CMC2: variants seen among roughly 807,000 people sequenced by gnomAD.
CMC2 encodes C-X9-C motif containing 2.
In CMC2, 5 loss-of-function variants were observed where a neutral mutation model predicts 7.5. The ratio of observed to expected loss-of-function variants is 0.66; its 90% CI spans 0.35 to 1.40. CMC2 has a LOEUF of 1.40. Among genes scored for constraint, CMC2 ranks in the 40% most tolerant of loss-of-function variants. The pLI is 0.04. For missense variants in CMC2, 115 were observed against 92.3 expected (o/e 1.25, Z -1.01); for synonymous variants, 37 against 31.4 (o/e 1.18, Z -0.60).
rs561967774 is a variant in CMC2 at position 81,004,374 on chromosome 16, C to T, written c.-36+2360G>A. Among the ~76,000 whole-genome samples, 5 of 152,320 alleles carry T rather than the reference C, an allele frequency of 3.3e-5. No individual in the cohort carries two copies. In the South Asian group the frequency reaches 1.0e-3, roughly 32 times the overall value. ...AATAGAATAATATTTAATTCCAGTG[C>T]AGACCCCAAGCCAGGCTGCTCCTGG... On this transcript the variant is annotated intron_variant, in intron 1 of 3. Transcript: ENST00000219400.
intron 3 of CMC2, among the ~76,000 whole-genome samples, chr16:80,976,462 T>G (rs1258564681): frequency 1.3e-5 from 2 of 152,176 alleles, no homozygotes; most frequent in Admixed American, 6.5e-5. Flanking sequence ...CTCAATCAAT[T>G]TCCTCCCAAA....
intron 1 of CMC2, among the ~76,000 whole-genome samples, chr16:81,002,493 G>A (rs1475733601): frequency 6.6e-6 from 1 of 152,144 alleles, no homozygotes; most frequent in African/African-American, 2.4e-5. Context: ...TTTTCTAAAT[G>A]TATTTGACAA....
intron 3 of CMC2, among the ~76,000 whole-genome samples, chr16:80,978,957 T>C (rs1966885749): frequency 6.6e-6 from 1 of 152,096 alleles, no homozygotes; most frequent in Non-Finnish European, 1.5e-5. Context: ...GGTGGGCACC[T>C]GTAGTCCCAG....
At chr16:80,982,581 A>G (rs1469992587) in intron 2 of CMC2, 1 of 152,002 alleles carries the variant, frequency 6.6e-6, no homozygotes, top group East Asian at 1.9e-4. Context: ...CATAAAACAT[A>G]TACAAATTTT....
rs970116638 is a variant in CMC2 at position 80,974,278 on chromosome 16, C to A, written c.*1815G>T. On this transcript the variant is annotated 3_prime_UTR_variant, in exon 4 of 4. Transcript: ENST00000219400. ...CCCTCATTTCTCACTCAAGTTAGCA[C>A]AAAAACCTAATTGCTCTCCTTGGGC... 8 of 152,332 alleles carry A rather than the reference C, an allele frequency of 5.3e-5. No individual in the cohort carries two copies. The highest frequency in any genetic ancestry group is 1.7e-4 in the African/African-American group (7 of 41,568). 9.4% of individuals were successfully genotyped at this position (152,332 alleles called of 1,614,324 possible). A position where few individuals can be genotyped will look rare whatever the true frequency, so the allele number is the denominator to read the frequency against.
chr16:80,986,582 C>A (rs78487957), intron 2 of CMC2, among the ~76,000 whole-genome samples: 2,697 of 152,218 alleles, frequency 0.018, 49 homozygotes, highest in East Asian at 0.053. Flanking sequence ...AAGTCCTTTA[C>A]AGGTGGCCCC....
At chr16:80,995,085 G>A (rs562673047) in intron 2 of CMC2, among the ~76,000 whole-genome samples, 1 of 152,178 alleles carries the variant, frequency 6.6e-6, no homozygotes, top group Non-Finnish European at 1.5e-5. Flanking sequence ...GGCAGAGGTT[G>A]CAGTGAGCCA....
chr16:80,995,358 A>G (rs1567527246), intron 2 of CMC2, among the ~76,000 whole-genome samples: 1 of 149,854 alleles, frequency 6.7e-6, no homozygotes, highest in Non-Finnish European at 1.5e-5. Context: ...TGCAAAATAT[A>G]GGAATATACA....
chr16:80,988,327 A>G (rs1967702017), intron 2 of CMC2, among the ~76,000 whole-genome samples: 1 of 152,318 alleles, frequency 6.6e-6, no homozygotes, highest in Non-Finnish European at 1.5e-5. Flanking sequence ...GTGACATCAT[A>G]GCTCACTATA....
rs1470933656 is a variant in CMC2, at chr16:80,971,470, G to A, written c.*4623C>T. On this transcript the variant is annotated 3_prime_UTR_variant, in exon 4 of 4. Coordinates refer to ENST00000219400, the MANE Select transcript of CMC2 (RefSeq NM_020188.5). ...TTTTTTTTTTAAAAAAAAAAGGTACGCTACCAAAGGCTACACACATCATGA... is the reference window on the plus strand; with the variant it reads ...TTTTTTTTTTAAAAAAAAAAGGTACACTACCAAAGGCTACACACATCATGA... 4 of 146,682 alleles carry A rather than the reference G, an allele frequency of 2.7e-5. No homozygotes were observed. Among genetic ancestry groups the A allele is most frequent in the South Asian group, 2.1e-4 (1 of 4,688 alleles). The allele number at this position is 146,682 out of a possible 1,614,324, so 9.1% of individuals were successfully genotyped here.
intron 2 of CMC2, among the ~76,000 whole-genome samples, chr16:80,989,715 T>TTA (rs1967824211): frequency 6.6e-6 from 1 of 152,152 alleles, no homozygotes; most frequent in Non-Finnish European, 1.5e-5. Flanking sequence ...ATTCTACATC[T>TTA]TATATATATT....
chr16:80,997,888 C>G (rs1392262154), intron 1 of CMC2: 1 of 151,736 alleles, frequency 6.6e-6, no homozygotes, highest in Admixed American at 6.6e-5. Flanking sequence ...ATATAGATTG[C>G]TTTTTTCTTA....
intron 1 of CMC2, 109 bp from the exon 2 acceptor site, chr16:80,997,538 T>C (rs1446043867): frequency 1.7e-6 from 1 of 581,604 alleles, no homozygotes; most frequent in Non-Finnish European, 3.1e-6. Flanking sequence ...ATGTTAACCA[T>C]TAACCAGCTG....
Position 80,967,889 on chromosome 16 carries a change from G to A in CMC2, c.*8204C>T, listed in dbSNP as rs1187115978. 1 of 152,076 alleles carries A rather than the reference G, an allele frequency of 6.6e-6. No individual in the cohort carries two copies. The highest frequency in any genetic ancestry group is 1.9e-4 in the East Asian group (1 of 5,192). The allele number at this position is 152,076 out of a possible 1,614,324, so 9.4% of individuals were successfully genotyped here. A position where few individuals can be genotyped will look rare whatever the true frequency, so the allele number is the denominator to read the frequency against. ...TTAAGATTTTGCTGTCATATTCAATGACAACATACCATATTAACGCTTCCT... is the reference window on the plus strand; with the variant it reads ...TTAAGATTTTGCTGTCATATTCAATAACAACATACCATATTAACGCTTCCT... On this transcript the variant is annotated 3_prime_UTR_variant, in exon 4 of 4. Coordinates refer to ENST00000219400, the MANE Select transcript of CMC2 (RefSeq NM_020188.5).
At chr16:80,988,309 G>A (rs1357917546) in intron 2 of CMC2, among the ~76,000 whole-genome samples, 2 of 152,186 alleles carry the variant, frequency 1.3e-5, no homozygotes, top group Admixed American at 1.3e-4. Flanking sequence ...CCAGGCTGAA[G>A]TGCCGGAGTG....
At chr16:80,987,298 A>T (rs1475575100) in intron 2 of CMC2, among the ~76,000 whole-genome samples, 1 of 152,224 alleles carries the variant, frequency 6.6e-6, no homozygotes, top group Non-Finnish European at 1.5e-5. Context: ...TAATAAGAAG[A>T]AGAGAAAAAG....
chr16:80,995,088 G>A (rs111939922), intron 2 of CMC2, among the ~76,000 whole-genome samples: 7,715 of 152,230 alleles, frequency 0.051, 192 homozygotes, highest in Middle Eastern at 0.13. Flanking sequence ...AGAGGTTGCA[G>A]TGAGCCAAGA....
rs1208115187 is a variant in CMC2, at chr16:80,971,122, G to A, written c.*4971C>T. The A allele has an allele frequency of 6.6e-6, 1 of 152,160 alleles. No homozygotes were observed. Among genetic ancestry groups the A allele is most frequent in the Non-Finnish European group, 1.5e-5 (1 of 68,040 alleles). The allele number at this position is 152,160 out of a possible 1,614,324, so 9.4% of individuals were successfully genotyped here. A position where few individuals can be genotyped will look rare whatever the true frequency, so the allele number is the denominator to read the frequency against. On this transcript the variant is annotated 3_prime_UTR_variant, in exon 4 of 4. Transcript: ENST00000219400. ...TGCACTCCAGCCTGGGTGACAGGGT[G>A]AGACTCTGTCTCAAAAAACAACAAC...
rs113325840 is a variant in CMC2, at chr16:81,005,425, A to AATATAT, written c.-36+1303_-36+1308dup. Among the ~76,000 whole-genome samples the AATATAT allele has an allele frequency of 3.9e-3, 580 of 149,424 alleles. 1 individual carries two copies. The highest frequency in any genetic ancestry group is 6.9e-3 in the African/African-American group (285 of 41,018). On this transcript the variant is annotated intron_variant, in intron 1 of 3. Coordinates refer to ENST00000219400, the MANE Select transcript of CMC2 (RefSeq NM_020188.5). ...AGACGCCGTCTCAAAATAAAATTTAAATATATATATATATAAATAAATAAC... is the reference window on the plus strand; with the variant it reads ...AGACGCCGTCTCAAAATAAAATTTAAATATATATATATATATATATAAATAAATAAC...
Sources: gnomAD v4.1 joint callset for allele counts (sites outside exome capture counted in the v4.1 genomes callset) on GRCh38, gnomAD v4.1.1 for gene constraint, MANE v1.5 for transcripts, NCBI Gene and HGNC (gene_info 2026-07-23, HGNC 2026-07-21) for gene names.